Variants in ATP8B4 observed in about 807,000 individuals in gnomAD.
ATP8B4 encodes ATPase phospholipid transporting 8B4 (putative).
A neutral mutation model predicts 145.6 loss-of-function variants in ATP8B4; 133 were observed. The ratio of observed to expected loss-of-function variants is 0.91; its 90% CI spans 0.79 to 1.05. The LOEUF is 1.05. ATP8B4 is among the 50% of genes least tolerant of loss of function. The pLI, the probability that ATP8B4 is intolerant of heterozygous loss-of-function variation, is 0.00. For missense variants in ATP8B4, 1,458 were observed against 1,425.2 expected, an observed-to-expected ratio of 1.02 and a Z score of -0.37; for synonymous variants, 507 against 492.9, an observed-to-expected ratio of 1.03 and a Z score of -0.38.
Position 49,858,250 on chromosome 15 carries a change from C to T in ATP8B4, c.*1944G>A, listed in dbSNP as rs2031031678. The T allele has an allele frequency of 6.6e-6, 1 of 152,088 alleles. No individual in the cohort carries two copies. The highest frequency in any genetic ancestry group is 2.4e-5 in the African/African-American group (1 of 41,430). 9.4% of individuals were successfully genotyped at this position (152,088 alleles called of 1,614,324 possible). ...ATAAAACATCAAGTACCAATAGTGC[C>T]AAAACATTTACTGAAAGTTTTCAAA... On this transcript the variant is annotated 3_prime_UTR_variant, in exon 28 of 28. Transcript: ENST00000284509.
chr15:49,876,162 A>G, intron 25 of ATP8B4, 116 bp downstream of exon 25: 1 of 1,358,960 alleles, frequency 7.4e-7, no homozygotes, highest in Non-Finnish European at 9.9e-7. Context: ...TTAAAAGGAC[A>G]GCCCCAGTAT....
intron 14 of ATP8B4, among the ~76,000 whole-genome samples, chr15:49,941,838 C>T (rs1390223826): frequency 6.6e-6 from 1 of 152,144 alleles, no homozygotes; most frequent in Non-Finnish European, 1.5e-5. Context: ...GGTATATATA[C>T]ACCGTGGAAT....
At chr15:50,118,430 G>A (rs1323353471) in intron 1 of ATP8B4, among the ~76,000 whole-genome samples, 1 of 152,186 alleles carries the variant, frequency 6.6e-6, no homozygotes, top group Non-Finnish European at 1.5e-5. Context: ...AGCAACAGCT[G>A]AGTAAAAGGG....
chr15:49,901,800 C>A, intron 20 of ATP8B4: 2 of 419,240 alleles, frequency 4.8e-6, no homozygotes, highest in Non-Finnish European at 9.3e-6. Flanking sequence ...ATTGGCATAG[C>A]CATTATAATA....
intron 1 of ATP8B4, among the ~76,000 whole-genome samples, chr15:50,174,740 A>C (rs984630648): frequency 7.2e-5 from 11 of 152,146 alleles, no homozygotes; most frequent in Non-Finnish European, 1.3e-4. Context: ...CTACAAATTC[A>C]AGACAATCCC....
rs928669763 is a variant in ATP8B4 at position 49,889,748 on chromosome 15, C to G, written c.2697+7544G>C. 2.6e-5 allele frequency among the ~76,000 whole-genome samples: 4 copies of G among 152,206 alleles called. No individual in the cohort carries two copies. The East Asian group carries it at 5.8e-4, about 22-fold the overall frequency. On this transcript the variant is annotated intron_variant, in intron 23 of 27. Coordinates refer to ENST00000284509, the MANE Select transcript of ATP8B4 (RefSeq NM_024837.4). ...GATAAAATCCACCAGGCCCCAAAGG[C>G]AGACTGATGTAGTAAAGAAACAGCA...
At chr15:50,005,655 A>G (rs2048244952) in intron 7 of ATP8B4, among the ~76,000 whole-genome samples, 1 of 152,326 alleles carries the variant, frequency 6.6e-6, no homozygotes, top group East Asian at 1.9e-4. Flanking sequence ...CACAATCCTC[A>G]TGGACACTCA....
intron 2 of ATP8B4, among the ~76,000 whole-genome samples, chr15:50,082,061 G>C (rs1172440419): frequency 6.6e-6 from 1 of 152,156 alleles, no homozygotes; most frequent in Non-Finnish European, 1.5e-5. Context: ...AGAAATCTCT[G>C]AAAAATTTCC....
intron 3 of ATP8B4, among the ~76,000 whole-genome samples, chr15:50,059,172 T>A (rs1055627028): frequency 6.6e-6 from 1 of 152,144 alleles, no homozygotes; most frequent in Non-Finnish European, 1.5e-5. Context: ...GTTCCCTGAT[T>A]ACATATACAA....
intron 16 of ATP8B4, among the ~76,000 whole-genome samples, chr15:49,929,571 G>A (rs1473498469): frequency 6.6e-6 from 1 of 152,080 alleles, no homozygotes; most frequent in Non-Finnish European, 1.5e-5. Context: ...GAAGGTCACA[G>A]AATATAAGCA....
intron 1 of ATP8B4, among the ~76,000 whole-genome samples, chr15:50,145,628 T>G (rs977102950): frequency 2.0e-5 from 3 of 152,116 alleles, no homozygotes; most frequent in Non-Finnish European, 4.4e-5. Flanking sequence ...TAAGGCTAAT[T>G]AGGCCCCCTA....
chr15:50,064,197 C>T (rs1417882979), intron 3 of ATP8B4, among the ~76,000 whole-genome samples: 2 of 152,072 alleles, frequency 1.3e-5, no homozygotes, highest in African/African-American at 4.8e-5. Flanking sequence ...AAAAAAAGCC[C>T]TTCTTCCCTA....
chr15:50,056,761 T>C (rs1034842157), intron 3 of ATP8B4, among the ~76,000 whole-genome samples: 4 of 151,566 alleles, frequency 2.6e-5, no homozygotes, highest in African/African-American at 9.7e-5. Flanking sequence ...CAATATAATA[T>C]CTATATTATC....
intron 6 of ATP8B4, among the ~76,000 whole-genome samples, chr15:50,015,152 A>G (rs867978687): frequency 2.0e-5 from 3 of 152,226 alleles, no homozygotes; most frequent in African/African-American, 2.4e-5. Context: ...TGTAAAAAGA[A>G]GTAAGTGCAT....
Position 50,073,009 on chromosome 15 carries a change from TATATATATATACACACACACAC to T in ATP8B4, c.87+1096_87+1117del, listed in dbSNP as rs1411602781. On this transcript the variant is annotated intron_variant, in intron 3 of 27. Transcript: ENST00000284509. ...ATATATATATATATATATATATATA[TATATATATATACACACACACAC>T]ACACACACACACACACACACACTAT... Among the ~76,000 whole-genome samples, 399 of 50,556 alleles carry T rather than the reference TATATATATATACACACACACAC, an allele frequency of 7.9e-3. 17 individuals are homozygous for T. Among genetic ancestry groups the T allele is most frequent in the African/African-American group, 0.036 (358 of 10,044 alleles). The allele number at this position is 50,556 out of a possible 152,430, so 33.2% of individuals were successfully genotyped here.
chr15:49,923,995 A>G (rs1175397437), intron 16 of ATP8B4, among the ~76,000 whole-genome samples: 2 of 145,314 alleles, frequency 1.4e-5, no homozygotes, highest in Non-Finnish European at 3.1e-5. Context: ...CATCCCTTTT[A>G]CTCCGGAAAA....
intron 9 of ATP8B4, among the ~76,000 whole-genome samples, chr15:49,995,181 A>T (rs1211210205): frequency 6.6e-6 from 1 of 152,162 alleles, no homozygotes; most frequent in Non-Finnish European, 1.5e-5. Flanking sequence ...CTGCTTTTTG[A>T]TGATTAGCAA....
At chr15:49,903,516 A>C (rs1303502611) in intron 20 of ATP8B4, among the ~76,000 whole-genome samples, 7 of 152,240 alleles carry the variant, frequency 4.6e-5, no homozygotes, top group African/African-American at 1.4e-4. Flanking sequence ...GCTTGCATAC[A>C]ACCTATAAAG....
chr15:50,072,754 T>G (rs1047181680), intron 3 of ATP8B4, among the ~76,000 whole-genome samples: 2 of 151,080 alleles, frequency 1.3e-5, no homozygotes, highest in Admixed American at 6.6e-5. Flanking sequence ...GCCTCCCGAG[T>G]AGCTGGGACT....
Sources: gnomAD v4.1 joint callset for allele counts (sites outside exome capture counted in the v4.1 genomes callset) on GRCh38, gnomAD v4.1.1 for gene constraint, MANE v1.5 for transcripts, NCBI Gene and HGNC (gene_info 2026-07-23, HGNC 2026-07-21) for gene names.